CSMD3: variants seen among roughly 807,000 people sequenced by gnomAD.
The protein encoded by CSMD3 is CUB and Sushi multiple domains 3.
CSMD3 carries 177 observed loss-of-function variants against 435.2 expected under a neutral mutation model. The observed-to-expected ratio is 0.41, with a 90% confidence interval of 0.36 to 0.46. The LOEUF is 0.46. Among genes scored for constraint, CSMD3 ranks in the 20% least tolerant of loss-of-function variants. The probability of loss-of-function intolerance (pLI) is 0.34; values close to 1 mark genes in which losing one functional copy is unlikely to be tolerated. For synonymous variants in CSMD3, 1,656 were observed against 1,520.5 expected (o/e 1.09, Z -2.07); for missense variants, 4,265 against 4,504.6 (o/e 0.95, Z 1.52).
chr8:113,355,749 T>TAC (rs1554618938), intron 1 of CSMD3, among the ~76,000 whole-genome samples: 1,262 of 81,254 alleles, frequency 0.016, 20 homozygotes, highest in Non-Finnish European at 0.018. Context: ...TATATATATA[T>TAC]ACACACACAC....
At chr8:112,718,303 G>A (rs952867505) in intron 13 of CSMD3, among the ~76,000 whole-genome samples, 6 of 151,828 alleles carry the variant, frequency 4.0e-5, no homozygotes, top group African/African-American at 1.5e-4. Context: ...TATAATATGA[G>A]TACTTTATTC....
chr8:112,666,543 A>G (rs2075530809), intron 16 of CSMD3, 128 bp from the exon 17 acceptor site: 1 of 776,342 alleles, frequency 1.3e-6, no homozygotes, highest in Admixed American at 2.3e-5. Context: ...CTATTTTTGA[A>G]AGCAATGGTA....
At chr8:113,082,020 C>A (rs895803759) in intron 5 of CSMD3, among the ~76,000 whole-genome samples, 5 of 152,142 alleles carry the variant, frequency 3.3e-5, no homozygotes, top group Non-Finnish European at 7.3e-5. Context: ...CCCACCTGGA[C>A]AATCACTCCC....
At chr8:112,466,931 G>A (rs1030269088) in intron 32 of CSMD3, among the ~76,000 whole-genome samples, 1 of 152,000 alleles carries the variant, frequency 6.6e-6, no homozygotes, top group African/African-American at 2.4e-5. Context: ...AATATCCTAA[G>A]GAAAGATGTT....
intron 39 of CSMD3, 70 bp downstream of exon 39, chr8:112,352,346 C>A: frequency 1.2e-6 from 2 of 1,603,380 alleles, no homozygotes; most frequent in Non-Finnish European, 1.7e-6. Context: ...CGTGGCTTAT[C>A]AATCATTGAT....
At chr8:113,272,897 A>C (rs1392508848) in intron 3 of CSMD3, among the ~76,000 whole-genome samples, 1 of 152,108 alleles carries the variant, frequency 6.6e-6, no homozygotes, top group Non-Finnish European at 1.5e-5. Flanking sequence ...TTCATGGGTA[A>C]AAATGTAGTT....
At chr8:113,266,526 A>AT (rs542820873) in intron 3 of CSMD3, among the ~76,000 whole-genome samples, 160 of 151,654 alleles carry the variant, frequency 1.1e-3, no homozygotes, top group Middle Eastern at 3.6e-3. Flanking sequence ...ATTTAAATAC[A>AT]TTTTTTATAG....
chr8:112,267,027 C>G (rs766555701), intron 59 of CSMD3, among the ~76,000 whole-genome samples: 44 of 151,976 alleles, frequency 2.9e-4, no homozygotes, highest in Non-Finnish European at 4.9e-4. Flanking sequence ...GTCTACTCCT[C>G]TTTCTGTCTT....
Position 113,435,215 on chromosome 8 carries a change from C to A in CSMD3, c.178+1462G>T, listed in dbSNP as rs180769233. Among the ~76,000 whole-genome samples the A allele has an allele frequency of 2.0e-5, 3 of 152,322 alleles. No homozygotes were observed. The East Asian group carries it at 5.8e-4, about 29-fold the overall frequency. On this transcript the variant is annotated intron_variant, in intron 1 of 70. Coordinates refer to ENST00000297405, the MANE Select transcript of CSMD3 (RefSeq NM_198123.2). ...TTAGGACAAGCTTTTCGGCTCAGAG[C>A]TGCTCTGAGGCCCCAGAGAGAAAAG...
At chr8:112,988,835 C>A (rs1167044276) in intron 6 of CSMD3, among the ~76,000 whole-genome samples, 1 of 152,034 alleles carries the variant, frequency 6.6e-6, no homozygotes, top group African/African-American at 2.4e-5. Flanking sequence ...CATAGCCTAA[C>A]ACTTATTGAT....
At chr8:112,302,005 A>T (rs927091531) in intron 52 of CSMD3, 39 bp from the exon 53 acceptor site, 2 of 1,381,148 alleles carry the variant, frequency 1.4e-6, no homozygotes, top group African/African-American at 2.9e-5. Flanking sequence ...TTAAAGATAT[A>T]GTCAAGCTGC....
Position 112,279,118 on chromosome 8 carries a change from T to C in CSMD3, c.9508+2056A>G, listed in dbSNP as rs539775831. Among the ~76,000 whole-genome samples, 8 of 152,246 alleles carry C rather than the reference T, an allele frequency of 5.3e-5. No individual in the cohort carries two copies. In the East Asian group the frequency reaches 1.5e-3, roughly 29 times the overall value. On this transcript the variant is annotated intron_variant, in intron 59 of 70. Coordinates refer to ENST00000297405, the MANE Select transcript of CSMD3 (RefSeq NM_198123.2). Reference sequence around the variant, plus strand: ...AATAAAGATCCACAACTGGACTCAATTGAAAATACAAATTTTTCTAAAATA... The same window carrying C: ...AATAAAGATCCACAACTGGACTCAACTGAAAATACAAATTTTTCTAAAATA...
At chr8:113,435,838 G>A (rs1447993738) in intron 1 of CSMD3, among the ~76,000 whole-genome samples, 1 of 152,030 alleles carries the variant, frequency 6.6e-6, no homozygotes, top group Non-Finnish European at 1.5e-5. Flanking sequence ...TCTCCCTAAG[G>A]ACAGCTCTTT....
chr8:112,311,663 T>C (rs1034886366), intron 49 of CSMD3, among the ~76,000 whole-genome samples: 6 of 152,216 alleles, frequency 3.9e-5, no homozygotes, highest in Non-Finnish European at 7.3e-5. Flanking sequence ...TCTTTCCCAG[T>C]CTATTAAAGT....
intron 23 of CSMD3, among the ~76,000 whole-genome samples, chr8:112,580,694 G>A (rs192316082): frequency 2.1e-4 from 32 of 152,170 alleles, no homozygotes; most frequent in African/African-American, 7.7e-4. Flanking sequence ...TAGATGCAAA[G>A]AGGTTTTGCA....
intron 1 of CSMD3, among the ~76,000 whole-genome samples, chr8:113,406,062 G>C (rs186284673): frequency 6.6e-6 from 1 of 151,902 alleles, no homozygotes. Context: ...AGCTGTATAT[G>C]ACAAAATTGT....
chr8:113,193,413 A>G (rs902093395), intron 3 of CSMD3, among the ~76,000 whole-genome samples: 2 of 151,410 alleles, frequency 1.3e-5, no homozygotes, highest in African/African-American at 2.4e-5. Flanking sequence ...CCACCAATTC[A>G]TTAGACTTCC....
intron 31 of CSMD3, among the ~76,000 whole-genome samples, chr8:112,473,366 A>G (rs1236131314): frequency 6.6e-6 from 1 of 152,186 alleles, no homozygotes; most frequent in Non-Finnish European, 1.5e-5. Flanking sequence ...TCATAGTTCT[A>G]GAACTCAAGA....
chr8:113,268,194 T>C (rs544766813), intron 3 of CSMD3, among the ~76,000 whole-genome samples: 2 of 152,016 alleles, frequency 1.3e-5, no homozygotes, highest in East Asian at 1.9e-4. Flanking sequence ...TTTAGAATAT[T>C]GTTTGGCAGG....
Sources: gnomAD v4.1 joint callset for allele counts (sites outside exome capture counted in the v4.1 genomes callset) on GRCh38, gnomAD v4.1.1 for gene constraint, MANE v1.5 for transcripts, NCBI Gene and HGNC (gene_info 2026-07-23, HGNC 2026-07-21) for gene names.